Variants in PTPRD observed in about 807,000 individuals in gnomAD.
PTPRD encodes the protein protein tyrosine phosphatase receptor type D.
A neutral mutation model predicts 214.5 loss-of-function variants in PTPRD; 34 were observed. That is an observed-to-expected ratio of 0.16 (90% confidence interval 0.12 to 0.21). PTPRD has a LOEUF of 0.21. Ranked by LOEUF, PTPRD falls within the 10% of genes least tolerant of loss-of-function variation. The pLI is 1.00. For missense variants in PTPRD, 2,545 were observed against 2,398.7 expected (o/e 1.06, Z -1.27); for synonymous variants, 1,128 against 845.7 (o/e 1.33, Z -5.79).
intron 7 of PTPRD, among the ~76,000 whole-genome samples, chr9:9,628,989 T>G (rs2154358042): frequency 6.6e-6 from 1 of 151,794 alleles, no homozygotes; most frequent in Non-Finnish European, 1.5e-5. Flanking sequence ...CTGACCAACA[T>G]GGTGAAACCC....
chr9:9,184,189 T>G (rs1052747479), intron 9 of PTPRD, among the ~76,000 whole-genome samples: 11 of 152,030 alleles, frequency 7.2e-5, no homozygotes, highest in African/African-American at 2.7e-4. Context: ...ATGAATCTCC[T>G]AGATGCTCCA....
chr9:10,509,470 CATCTATCTATCT>C (rs4008059), intron 2 of PTPRD, among the ~76,000 whole-genome samples: 7 of 138,118 alleles, frequency 5.1e-5, no homozygotes, highest in Non-Finnish European at 7.6e-5. Context: ...TTGATTGATC[CATCTATCTATCT>C]ATCTATCTAT....
At chr9:8,504,482 C>T in intron 22 of PTPRD, 77 bp from the exon 23 acceptor site, 1 of 1,491,330 alleles carries the variant, frequency 6.7e-7, no homozygotes, top group Non-Finnish European at 9.3e-7. Context: ...TCTGGACCAT[C>T]AGATTTCTAT....
chr9:9,351,334 G>A (rs1369642658), intron 9 of PTPRD, among the ~76,000 whole-genome samples: 1 of 152,064 alleles, frequency 6.6e-6, no homozygotes, highest in South Asian at 2.1e-4. Context: ...GGTATGGCCT[G>A]CACTGGGAAT....
chr9:9,037,610 C>T (rs1291224170), intron 10 of PTPRD, among the ~76,000 whole-genome samples: 1 of 152,102 alleles, frequency 6.6e-6, no homozygotes, highest in Non-Finnish European at 1.5e-5. Flanking sequence ...CAGTTTTATT[C>T]CATAACTAAG....
chr9:9,210,766 G>A (rs527589817), intron 9 of PTPRD, among the ~76,000 whole-genome samples: 2 of 151,984 alleles, frequency 1.3e-5, no homozygotes, highest in South Asian at 4.1e-4. Flanking sequence ...AGGAAACAAA[G>A]GCAACTATTT....
chr9:9,490,375 T>C (rs936337240), intron 8 of PTPRD, among the ~76,000 whole-genome samples: 3 of 152,098 alleles, frequency 2.0e-5, no homozygotes, highest in African/African-American at 7.2e-5. Flanking sequence ...ATTATTGTAA[T>C]GACAGTTTTT....
chr9:9,183,058 T>G (rs2099929169), intron 10 of PTPRD, among the ~76,000 whole-genome samples: 1 of 152,076 alleles, frequency 6.6e-6, no homozygotes. Context: ...TCATATATAA[T>G]TCAGAACTGA....
chr9:10,247,833 G>C (rs2092334092), intron 3 of PTPRD, among the ~76,000 whole-genome samples: 1 of 152,090 alleles, frequency 6.6e-6, no homozygotes, highest in South Asian at 2.1e-4. Context: ...GGTGGCAATG[G>C]GAAGTAACGC....
chr9:8,648,737 C>T (rs1344439275), intron 12 of PTPRD, among the ~76,000 whole-genome samples: 2 of 152,160 alleles, frequency 1.3e-5, no homozygotes, highest in Non-Finnish European at 2.9e-5. Flanking sequence ...TGACACAATG[C>T]TTATCAGCTT....
At chr9:9,368,951 C>A (rs1273474540) in intron 9 of PTPRD, among the ~76,000 whole-genome samples, 2 of 151,920 alleles carry the variant, frequency 1.3e-5, no homozygotes, top group Non-Finnish European at 2.9e-5. Flanking sequence ...AGGATGTTCC[C>A]CTTCCTGTGT....
rs539315794 is a variant in PTPRD at position 9,700,558 on chromosome 9, C to CAAAAGCTG, written c.-287+33967_-287+33974dup. Among the ~76,000 whole-genome samples, 25 of 151,936 alleles carry CAAAAGCTG rather than the reference C, an allele frequency of 1.6e-4. 1 individual carries two copies. The South Asian group carries it at 5.2e-3, about 32-fold the overall frequency. On this transcript the variant is annotated intron_variant, in intron 7 of 45. Transcript: ENST00000381196. ...GAGATAATTAGACAAACAACAAAAA[C>CAAAAGCTG]AAAAGCTGAAAGTGGTAACAATTGT...
intron 14 of PTPRD, among the ~76,000 whole-genome samples, chr9:8,601,124 C>A (rs956653901): frequency 3.9e-5 from 6 of 152,182 alleles, no homozygotes; most frequent in East Asian, 1.9e-4. Flanking sequence ...CCCTATGGGC[C>A]CGTGGTGGTG....
At chr9:8,741,888 C>T (rs1421262015) in intron 11 of PTPRD, among the ~76,000 whole-genome samples, 4 of 151,980 alleles carry the variant, frequency 2.6e-5, no homozygotes, top group Admixed American at 6.6e-5. Context: ...CGCGCCTGAC[C>T]GGGCATTTCT....
intron 8 of PTPRD, among the ~76,000 whole-genome samples, chr9:9,398,062 A>G (rs373114974): frequency 3.3e-4 from 50 of 151,740 alleles, no homozygotes; most frequent in African/African-American, 1.1e-3. Flanking sequence ...TCCCTTGTAC[A>G]CTAGTCTCGA....
chr9:10,165,387 T>C (rs775717444), intron 3 of PTPRD, among the ~76,000 whole-genome samples: 6 of 151,754 alleles, frequency 4.0e-5, no homozygotes, highest in Non-Finnish European at 5.9e-5. Context: ...ACTTGTTAAC[T>C]TGCAGGATTT....
At chr9:8,445,385 ATACT>A (rs2095684884) in intron 34 of PTPRD, among the ~76,000 whole-genome samples, 1 of 152,212 alleles carries the variant, frequency 6.6e-6, no homozygotes, top group South Asian at 2.1e-4. Flanking sequence ...ATCATGCAAA[ATACT>A]TACAAGCTGA....
intron 5 of PTPRD, among the ~76,000 whole-genome samples, chr9:9,771,964 A>C (rs1038354509): frequency 1.3e-5 from 2 of 152,184 alleles, no homozygotes; most frequent in Non-Finnish European, 2.9e-5. Context: ...TTTGTATTAC[A>C]TTTTAAGAAG....
chr9:9,951,228 A>G (rs970407599), intron 4 of PTPRD, among the ~76,000 whole-genome samples: 16 of 152,154 alleles, frequency 1.1e-4, no homozygotes, highest in African/African-American at 2.9e-4. Context: ...AAAAAAAGTG[A>G]TAAGTCTTGG....
Sources: allele counts gnomAD v4.1 joint callset (sites outside exome capture counted in the v4.1 genomes callset), GRCh38; gene constraint gnomAD v4.1.1; transcripts MANE v1.5; gene names NCBI Gene and HGNC (gene_info 2026-07-23, HGNC 2026-07-21).